SPEN: variants seen among roughly 807,000 people sequenced by gnomAD.
The protein encoded by SPEN is spen family transcriptional repressor, also known as msx2-interacting protein.
A neutral mutation model predicts 269.9 loss-of-function variants in SPEN; 18 were observed. The observed-to-expected ratio is 0.07, with a 90% confidence interval of 0.05 to 0.10. SPEN has a LOEUF of 0.10. Among genes scored for constraint, SPEN ranks in the 10% least tolerant of loss-of-function variants. The pLI is 1.00. For synonymous variants in SPEN, 1,726 were observed against 1,765.7 expected, an observed-to-expected ratio of 0.98 and a Z score of 0.56; for missense variants, 3,822 against 4,631.2, an observed-to-expected ratio of 0.83 and a Z score of 5.07.
intron 5 of SPEN, among the ~76,000 whole-genome samples, chr1:15,913,921 G>A (rs555778888): frequency 2.0e-5 from 3 of 152,112 alleles, no homozygotes; most frequent in Non-Finnish European, 2.9e-5. Flanking sequence ...GAATGAAGCC[G>A]TTACAGATTT....
chr1:15,880,776 A>G (rs2070680687), intron 3 of SPEN, among the ~76,000 whole-genome samples: 1 of 152,024 alleles, frequency 6.6e-6, no homozygotes, highest in African/African-American at 2.4e-5. Context: ...TTTTGTATCT[A>G]TACATAAAAA....
At chr1:15,897,418 A>G (rs1385987636) in intron 3 of SPEN, among the ~76,000 whole-genome samples, 1 of 148,860 alleles carries the variant, frequency 6.7e-6, no homozygotes, top group Non-Finnish European at 1.5e-5. Flanking sequence ...GGTGGAGTGC[A>G]GTGGCGTAGT....
rs1372814839 is a variant in SPEN at position 15,937,065 on chromosome 1, C to A, written c.10027-98C>A. On this transcript the variant is annotated intron_variant, in intron 11 of 14. Transcript: ENST00000375759. The surrounding 1 kb of genome is among the most constrained non-coding windows in gnomAD (Gnocchi z 5.7). ...CCTGACTTAACGGGAGATGCCACAT[C>A]TTATCCTTTCCCTGTGGCCCTTTGG... 6.7e-7 allele frequency: 1 copy of A among 1,501,396 alleles called. No homozygotes were observed. Among genetic ancestry groups the A allele is most frequent in the Non-Finnish European group, 9.0e-7 (1 of 1,114,250 alleles). 93.0% of individuals were successfully genotyped at this position (1,501,396 alleles called of 1,614,324 possible).
At chr1:15,894,420 G>A (rs190167028) in intron 3 of SPEN, among the ~76,000 whole-genome samples, 3 of 151,644 alleles carry the variant, frequency 2.0e-5, no homozygotes, top group Non-Finnish European at 4.4e-5. Flanking sequence ...GTCCAGTAAA[G>A]CCCACCCAAA....
Position 15,937,316 on chromosome 1 carries a change from G to A in SPEN, c.10180G>A (p.Gly3394Arg), listed in dbSNP as rs1263979988. The part of the protein sequence containing the change: ...KMPQVSQEAK[G>R]TQTGVEQPRL... Reference sequence around the variant, plus strand: ...GCCTCAAGTGTCCCAGGAGGCAAAGGGGACCCAGACGGGAGTAGAGCAGCC... The same window carrying A: ...GCCTCAAGTGTCCCAGGAGGCAAAGAGGACCCAGACGGGAGTAGAGCAGCC... The change falls in exon 12 of 15, where the codon GGG becomes AGG. Residue 3394 changes from glycine (G) to arginine (R), a missense_variant. Around this residue, in one of 16 missense-constraint regions of SPEN, gnomAD observed 359 missense variants for 377.3 expected, o/e 0.95. Transcript: ENST00000375759. This position sits in a 1 kb window ranked among gnomAD's most constrained non-coding sequence, Gnocchi z 5.7. 6.2e-7 allele frequency: 1 copy of A among 1,613,916 alleles called. No homozygotes were observed. The highest frequency in any genetic ancestry group is 1.3e-5 in the African/African-American group (1 of 74,938).
intron 5 of SPEN, 60 bp downstream of exon 5, chr1:15,911,361 GT>G: frequency 7.3e-7 from 1 of 1,372,046 alleles, no homozygotes; most frequent in Non-Finnish European, 1.0e-6. Context: ...GTGTTGCAGT[GT>G]ATGAGAGGGC....
At chr1:15,923,673 CTTT>C (rs112720025) in intron 10 of SPEN, among the ~76,000 whole-genome samples, 1 of 140,206 alleles carries the variant, frequency 7.1e-6, no homozygotes. Flanking sequence ...ATACTTTGTG[CTTT>C]TTTTTTTTTT....
chr1:15,887,276 ATTTTTTT>A (rs34435171), intron 3 of SPEN, among the ~76,000 whole-genome samples: 8 of 82,296 alleles, frequency 9.7e-5, no homozygotes, highest in African/African-American at 2.7e-4. Flanking sequence ...CCTGGCCTGA[ATTTTTTT>A]TTTTTTTTTT....
At chr1:15,884,407 G>A (rs1278231343) in intron 3 of SPEN, among the ~76,000 whole-genome samples, 1 of 152,114 alleles carries the variant, frequency 6.6e-6, no homozygotes, top group Non-Finnish European at 1.5e-5. Context: ...AGTTCAAGTA[G>A]AAAATTTTTC....
Position 15,934,088 on chromosome 1 carries a change from C to G in SPEN, c.7848C>G (p.Pro2616=). Residue 2616 remains proline (P), a synonymous_variant, in exon 11 of 15, where the codon CCC becomes CCG. Transcript: ENST00000375759. The surrounding 1 kb of genome is among the most constrained non-coding windows in gnomAD (Gnocchi z 9.2). ...AAAAGGTGGCTCCAGTCATTGCTCC[C>G]AAAATTACCTCTGTTATTAGCCGGA... is the stretch of plus-strand genomic sequence containing the variant. The part of the protein sequence containing the change: ...DKEKVAPVIA[P]KITSVISRMP... The G allele has an allele frequency of 1.2e-6, 2 of 1,610,962 alleles. No individual in the cohort carries two copies. The highest frequency in any genetic ancestry group is 1.7e-6 in the Non-Finnish European group (2 of 1,177,516).
chr1:15,880,643 A>C (rs2070678520), intron 3 of SPEN, among the ~76,000 whole-genome samples: 1 of 151,620 alleles, frequency 6.6e-6, no homozygotes, highest in African/African-American at 2.4e-5. Context: ...TTTAGTAGAG[A>C]CAGGGGTTTC....
In SPEN at chr1:15,928,579, C is replaced by G; in HGVS notation, c.2339C>G (p.Ser780Cys). 1.2e-6 allele frequency: 2 copies of G among 1,614,102 alleles called. No homozygotes were observed. The highest frequency in any genetic ancestry group is 1.7e-6 in the Non-Finnish European group (2 of 1,180,034). Residue 780 changes from serine (S) to cysteine (C), a missense_variant, in exon 11 of 15, where the codon TCT (serine) becomes TGT (cysteine). Transcript: ENST00000375759. This position sits in a 1 kb window ranked among gnomAD's most constrained non-coding sequence, Gnocchi z 5.7. ...SPPRYEKLDK[S>C]RLERYTKNEK... ...CCAAGATATGAGAAACTGGACAAGTCTCGTTTGGAGCGCTATACAAAAAAT... is the reference window on the plus strand; with the variant it reads ...CCAAGATATGAGAAACTGGACAAGTGTCGTTTGGAGCGCTATACAAAAAAT...
In SPEN at chr1:15,916,176, A is replaced by G; in HGVS notation, c.1292A>G (p.Glu431Gly). 1 of 1,613,620 alleles carries G rather than the reference A, an allele frequency of 6.2e-7. No individual in the cohort carries two copies. Among genetic ancestry groups the G allele is most frequent in the South Asian group, 1.1e-5 (1 of 90,968 alleles). Residue 431 changes from glutamate (E) to glycine (G), a missense_variant, in exon 6 of 15, where the codon GAA (glutamate) becomes GGA (glycine). Around this residue, in one of 16 missense-constraint regions of SPEN, gnomAD observed 230 missense variants for 426.1 expected, o/e 0.54. Transcript: ENST00000375759. ...EFRPLDERIDEFHPKATRTLF... is the reference protein window; with the variant it reads ...EFRPLDERIDGFHPKATRTLF... Reference sequence around the variant, plus strand: ...CGCCCCTTGGATGAAAGGATAGATGAATTTCACCCCAAAGCAACAAGAACT... The same window carrying G: ...CGCCCCTTGGATGAAAGGATAGATGGATTTCACCCCAAAGCAACAAGAACT...
At position 15,847,978 on chromosome 1, in the gene SPEN, C is replaced by A; in HGVS notation, c.-90C>A. 1.2e-6 allele frequency: 1 copy of A among 835,836 alleles called. No individual in the cohort carries two copies. The highest frequency in any genetic ancestry group is 5.5e-5 in the South Asian group (1 of 18,276). The allele number at this position is 835,836 out of a possible 1,614,324, so 51.8% of individuals were successfully genotyped here. On this transcript the variant is annotated 5_prime_UTR_variant, in exon 1 of 15. Coordinates refer to ENST00000375759, the MANE Select transcript of SPEN (RefSeq NM_015001.3). Reference sequence around the variant, plus strand: ...CCACCGCCGCAGCCGCCGCCGCCGCCGCCCCGGCACCCGCCTCCCGGCGCT... The same window carrying A: ...CCACCGCCGCAGCCGCCGCCGCCGCAGCCCCGGCACCCGCCTCCCGGCGCT...
intron 3 of SPEN, among the ~76,000 whole-genome samples, chr1:15,905,459 T>G (rs2070946825): frequency 6.6e-6 from 1 of 151,962 alleles, no homozygotes; most frequent in Admixed American, 6.6e-5. Flanking sequence ...TGACCTCAGG[T>G]GATCCATCTG....
chr1:15,916,348 T>G (rs1470630037), intron 6 of SPEN, 69 bp downstream of exon 6: 16 of 1,474,102 alleles, frequency 1.1e-5, no homozygotes, highest in Non-Finnish European at 1.4e-5. Flanking sequence ...GTACAGATTA[T>G]ATTTGGAAAG....
rs900000461 is a variant in SPEN, at chr1:15,847,780, T to C, written c.-288T>C. 1 of 188,658 alleles carries C rather than the reference T, an allele frequency of 5.3e-6. No individual in the cohort carries two copies. The highest frequency in any genetic ancestry group is 2.3e-5 in the African/African-American group (1 of 42,606). The allele number at this position is 188,658 out of a possible 1,614,324, so 11.7% of individuals were successfully genotyped here. ...CCGCCCGTGTCCCGCTCGCCCCTCC[T>C]CCCGCTCCCCCGCCCGCCCCTGCCC... is the stretch of plus-strand genomic sequence containing the variant. On this transcript the variant is annotated 5_prime_UTR_variant, in exon 1 of 15. Transcript: ENST00000375759.
intron 1 of SPEN, among the ~76,000 whole-genome samples, chr1:15,857,617 A>T (rs1405386715): frequency 6.6e-6 from 1 of 152,064 alleles, no homozygotes; most frequent in East Asian, 1.9e-4. Context: ...TCAGCCTCCC[A>T]AAGTGCTGGT....
At chr1:15,881,324 A>G (rs1010251166) in intron 3 of SPEN, among the ~76,000 whole-genome samples, 1 of 152,176 alleles carries the variant, frequency 6.6e-6, no homozygotes, top group Non-Finnish European at 1.5e-5. Context: ...GAAAGGAGAT[A>G]GCTTGTTGAG....
Sources: allele counts gnomAD v4.1 joint callset (sites outside exome capture counted in the v4.1 genomes callset), GRCh38; gene constraint gnomAD v4.1.1; regional missense constraint gnomAD v4.1.1; non-coding constraint Gnocchi (gnomAD v3.1); transcripts MANE v1.5; gene names NCBI Gene and HGNC (gene_info 2026-07-23, HGNC 2026-07-21).